OSBP2: variants seen among roughly 807,000 people sequenced by gnomAD.
OSBP2 encodes oxysterol binding protein 2, also known as oxysterol-binding protein 2.
A neutral mutation model predicts 96.0 loss-of-function variants in OSBP2; 66 were observed. The observed-to-expected ratio is 0.69, with a 90% confidence interval of 0.56 to 0.84. The LOEUF (loss-of-function observed/expected upper bound fraction) is 0.84. OSBP2 is among the 40% of genes least tolerant of loss of function. The pLI, the probability that OSBP2 is intolerant of heterozygous loss-of-function variation, is 0.00. For missense variants in OSBP2, 1,038 were observed against 1,222.7 expected, an observed-to-expected ratio of 0.85 and a Z score of 2.25; for synonymous variants, 525 against 520.9, an observed-to-expected ratio of 1.01 and a Z score of -0.11.
At chr22:30,717,090 T>TGTGTGTG (rs1555907469) in intron 1 of OSBP2, among the ~76,000 whole-genome samples, 13 of 118,414 alleles carry the variant, frequency 1.1e-4, no homozygotes, top group African/African-American at 3.2e-4. Context: ...TTTACTGTTT[T>TGTGTGTG]TGTGTGTGTG....
intron 2 of OSBP2, among the ~76,000 whole-genome samples, chr22:30,838,840 TTTA>T (rs1253070964): frequency 6.6e-6 from 1 of 152,004 alleles, no homozygotes; most frequent in Non-Finnish European, 1.5e-5. Flanking sequence ...TTTGTTTTTT[TTTA>T]TTATTATTAT....
chr22:30,694,015 C>T (rs1163950681), upstream of OSBP2: 7 of 1,512,248 alleles, frequency 4.6e-6, no homozygotes, highest in African/African-American at 1.0e-4. Flanking sequence ...ATGTTTTAAC[C>T]ATTCTGGGGT....
intron 1 of OSBP2, among the ~76,000 whole-genome samples, chr22:30,698,755 A>T (rs1382038982): frequency 6.6e-6 from 1 of 151,718 alleles, no homozygotes; most frequent in Non-Finnish European, 1.5e-5. Context: ...TAACTAAGTG[A>T]AGCCTGGTGT....
intron 2 of OSBP2, among the ~76,000 whole-genome samples, chr22:30,840,422 G>A (rs760840228): frequency 6.6e-6 from 1 of 152,016 alleles, no homozygotes; most frequent in Non-Finnish European, 1.5e-5. Flanking sequence ...CTGGAAGATT[G>A]GCATTTCTAA....
chr22:30,694,279 T>C (rs538364972), upstream of OSBP2: 975 of 1,549,598 alleles, frequency 6.3e-4, 11 homozygotes, highest in South Asian at 0.011. Flanking sequence ...GCTCAGGAGG[T>C]GGAGGCGGTG....
chr22:30,902,675 A>C, intron 12 of OSBP2: 2 of 563,670 alleles, frequency 3.5e-6, no homozygotes, highest in Non-Finnish European at 3.4e-6. Flanking sequence ...ACTCCAGCTT[A>C]AACCTCGAAT....
At chr22:30,844,084 A>G (rs2038817036) in intron 2 of OSBP2, among the ~76,000 whole-genome samples, 1 of 152,100 alleles carries the variant, frequency 6.6e-6, no homozygotes, top group Non-Finnish European at 1.5e-5. Context: ...TGTGTCACCC[A>G]GGCTGGTCTC....
intron 3 of OSBP2, among the ~76,000 whole-genome samples, chr22:30,885,731 T>C (rs1180128060): frequency 6.6e-6 from 1 of 152,204 alleles, no homozygotes; most frequent in African/African-American, 2.4e-5. Flanking sequence ...AGGGAGGACG[T>C]GGCCGCAGAA....
chr22:30,742,479 T>A (rs2089952233), intron 2 of OSBP2, among the ~76,000 whole-genome samples: 1 of 151,950 alleles, frequency 6.6e-6, no homozygotes, highest in African/African-American at 2.4e-5. Flanking sequence ...CACAGTGAGG[T>A]CTTGTCTTTG....
chr22:30,901,636 C>T (rs374433228), intron 12 of OSBP2, among the ~76,000 whole-genome samples: 13 of 151,840 alleles, frequency 8.6e-5, no homozygotes, highest in African/African-American at 2.9e-4. Flanking sequence ...AGGCCAAGGC[C>T]GGTGGAACAC....
At chr22:30,804,386 G>C (rs907055757) in intron 2 of OSBP2, among the ~76,000 whole-genome samples, 5 of 152,218 alleles carry the variant, frequency 3.3e-5, no homozygotes, top group Admixed American at 1.3e-4. Flanking sequence ...CGTCTATCTA[G>C]CTTAAGCTGT....
intron 1 of OSBP2, among the ~76,000 whole-genome samples, chr22:30,729,918 C>A (rs1202652653): frequency 6.6e-6 from 1 of 151,976 alleles, no homozygotes; most frequent in Non-Finnish European, 1.5e-5. Context: ...GGGTTTCTAG[C>A]CTCCAGAAGT....
At chr22:30,735,410 C>CTCTTTT (rs1555909093) in intron 1 of OSBP2, among the ~76,000 whole-genome samples, 3 of 100,600 alleles carry the variant, frequency 3.0e-5, no homozygotes, top group African/African-American at 1.2e-4. Flanking sequence ...TCTTCTCTCT[C>CTCTTTT]TTTTTTTTTT....
chr22:30,841,926 A>G (rs536199577), intron 2 of OSBP2, among the ~76,000 whole-genome samples: 27 of 152,260 alleles, frequency 1.8e-4, no homozygotes, highest in African/African-American at 6.5e-4. Flanking sequence ...AGCCTGGGTA[A>G]TAGGGTGAGA....
At chr22:30,763,528 C>A (rs1326764188) in intron 2 of OSBP2, among the ~76,000 whole-genome samples, 1 of 151,968 alleles carries the variant, frequency 6.6e-6, no homozygotes, top group Non-Finnish European at 1.5e-5. Flanking sequence ...TGCCTCTAAT[C>A]CCAGCTACTT....
At chr22:30,814,831 G>A (rs1263131062) in intron 2 of OSBP2, among the ~76,000 whole-genome samples, 1 of 152,204 alleles carries the variant, frequency 6.6e-6, no homozygotes, top group Non-Finnish European at 1.5e-5. Context: ...CCATTACAGG[G>A]AGATAGCACC....
At chr22:30,888,617 A>G (rs2039869909) in intron 5 of OSBP2, among the ~76,000 whole-genome samples, 1 of 152,160 alleles carries the variant, frequency 6.6e-6, no homozygotes, top group Admixed American at 6.5e-5. Flanking sequence ...AGTCCCAGCT[A>G]CTTGGGAGGC....
At chr22:30,858,185 GCCGGA>G (rs1184253332) in intron 2 of OSBP2, among the ~76,000 whole-genome samples, 116 of 146,282 alleles carry the variant, frequency 7.9e-4, no homozygotes, top group East Asian at 1.3e-3. Flanking sequence ...TGTCGCCCAG[GCCGGA>G]CTGCGGACTG....
intron 2 of OSBP2, among the ~76,000 whole-genome samples, chr22:30,778,088 G>A (rs1357324218): frequency 1.3e-5 from 2 of 151,126 alleles, no homozygotes; most frequent in African/African-American, 4.9e-5. Context: ...TCTGCCTCCC[G>A]GGTTCAAGAG....
Sources: allele counts gnomAD v4.1 joint callset (sites outside exome capture counted in the v4.1 genomes callset), GRCh38; gene constraint gnomAD v4.1.1; transcripts MANE v1.5; gene names NCBI Gene and HGNC (gene_info 2026-07-23, HGNC 2026-07-21).